PREP: variants seen among roughly 807,000 people sequenced by gnomAD.
PREP encodes the protein prolyl endopeptidase.
PREP carries 29 observed loss-of-function variants against 87.6 expected under a neutral mutation model. That is an observed-to-expected ratio of 0.33 (90% CI 0.25 to 0.45). The LOEUF (loss-of-function observed/expected upper bound fraction) is 0.45, where lower values mean the gene tolerates loss of function less well. PREP is among the 20% of genes least tolerant of loss of function. The pLI is 1.00. For synonymous variants in PREP, 337 were observed against 328.6 expected (o/e 1.03, Z -0.28); for missense variants, 695 against 886.5 (o/e 0.78, Z 2.74).
chr6:105,294,472 A>G (rs1043778234), intron 10 of PREP, among the ~76,000 whole-genome samples: 6 of 152,204 alleles, frequency 3.9e-5, no homozygotes, highest in African/African-American at 1.4e-4. Context: ...TAACAGTGAA[A>G]CCTGTCCAGC....
intron 6 of PREP, among the ~76,000 whole-genome samples, chr6:105,359,030 C>T (rs1213188348): frequency 6.6e-6 from 1 of 152,120 alleles, no homozygotes. Context: ...AACTTCCTGT[C>T]CCCAGCCAAA....
chr6:105,393,584 G>A (rs570093393), intron 2 of PREP, among the ~76,000 whole-genome samples: 9 of 152,046 alleles, frequency 5.9e-5, no homozygotes, highest in African/African-American at 1.9e-4. Context: ...GAGGAGCAGC[G>A]CTGTCCAGTA....
chr6:105,338,632 T>C (rs1365102284), intron 7 of PREP, among the ~76,000 whole-genome samples: 2 of 152,152 alleles, frequency 1.3e-5, no homozygotes, highest in African/African-American at 4.8e-5. Flanking sequence ...TAATTCCCTT[T>C]CCTAGCCAAG....
intron 3 of PREP, among the ~76,000 whole-genome samples, chr6:105,376,588 G>A (rs772041578): frequency 2.6e-5 from 4 of 152,204 alleles, no homozygotes; most frequent in Non-Finnish European, 5.9e-5. Context: ...GAAGAAAGCA[G>A]ACTTTTCTAA....
chr6:105,283,770 A>G (rs1260513654), intron 12 of PREP, among the ~76,000 whole-genome samples: 1 of 152,236 alleles, frequency 6.6e-6, no homozygotes, highest in Non-Finnish European at 1.5e-5. Flanking sequence ...ATCAGTCTAA[A>G]CATAGTCTAC....
At chr6:105,393,533 T>C (rs1171832147) in intron 2 of PREP, among the ~76,000 whole-genome samples, 1 of 152,090 alleles carries the variant, frequency 6.6e-6, no homozygotes, top group Non-Finnish European at 1.5e-5. Flanking sequence ...AATCTAACGC[T>C]GATATGAAAT....
chr6:105,288,083 T>C (rs764429286), intron 11 of PREP, among the ~76,000 whole-genome samples: 1 of 152,136 alleles, frequency 6.6e-6, no homozygotes. Flanking sequence ...AAGAAATCAT[T>C]CCCTCTGAAG....
In PREP at chr6:105,334,738, C is replaced by CAACAACAACAACAACA. The variant is rs752810216; in HGVS notation, c.824-1234_824-1233insTGTTGTTGTTGTTGTT. On this transcript the variant is annotated intron_variant, in intron 7 of 14. Coordinates refer to ENST00000652536, the MANE Select transcript of PREP (RefSeq NM_002726.5). Reference sequence around the variant, plus strand: ...TCAACAACAACAACAACAACAACAACAGAGATGCGGTCTCTCCATGTTGCC... The same window carrying CAACAACAACAACAACA: ...TCAACAACAACAACAACAACAACAACAACAACAACAACAACAAGAGATGCGGTCTCTCCATGTTGCC... Among the ~76,000 whole-genome samples the CAACAACAACAACAACA allele has an allele frequency of 1.1e-3, 170 of 152,072 alleles. 1 individual carries two copies. The highest frequency in any genetic ancestry group is 6.8e-3 in the Middle Eastern group (2 of 294).
intron 12 of PREP, among the ~76,000 whole-genome samples, chr6:105,284,242 T>G (rs190657283): frequency 2.6e-5 from 4 of 152,260 alleles, no homozygotes; most frequent in African/African-American, 9.6e-5. Flanking sequence ...CTGGCAACGA[T>G]GGACCAGATG....
chr6:105,369,052 A>G, intron 5 of PREP, 28 bp from the exon 6 acceptor site: 2 of 1,607,084 alleles, frequency 1.2e-6, no homozygotes, highest in South Asian at 2.2e-5. Flanking sequence ...GTACACTGAA[A>G]TGTACTTGAT....
At chr6:105,375,761 T>C (rs1453811078) in intron 4 of PREP, among the ~76,000 whole-genome samples, 1 of 152,258 alleles carries the variant, frequency 6.6e-6, no homozygotes, top group Admixed American at 6.5e-5. Context: ...GAATAATCTT[T>C]GTACAGCTTA....
intron 10 of PREP, chr6:105,322,214 G>A (rs1287074272): frequency 8.4e-6 from 7 of 828,456 alleles, no homozygotes; most frequent in African/African-American, 1.9e-5. Context: ...TCTCCCTCCA[G>A]GCAATGGCTC....
intron 9 of PREP, among the ~76,000 whole-genome samples, chr6:105,327,836 G>A (rs571822712): frequency 9.8e-5 from 15 of 152,316 alleles, no homozygotes; most frequent in Admixed American, 2.0e-4. Context: ...ACTGCTAACT[G>A]AGCCAGACTC....
intron 2 of PREP, among the ~76,000 whole-genome samples, chr6:105,387,409 A>AG (rs1396280007): frequency 6.6e-6 from 1 of 152,178 alleles, no homozygotes; most frequent in Non-Finnish European, 1.5e-5. Flanking sequence ...AATGTATACA[A>AG]GTACTTGAAA....
intron 2 of PREP, among the ~76,000 whole-genome samples, chr6:105,397,078 G>A (rs544144010): frequency 2.0e-5 from 3 of 151,596 alleles, no homozygotes; most frequent in African/African-American, 4.9e-5. Context: ...CCAGCTACTC[G>A]GGAGGCTGAG....
chr6:105,302,691 A>G, intron 10 of PREP: 1 of 502,900 alleles, frequency 2.0e-6, no homozygotes, highest in Admixed American at 2.3e-5. Context: ...CACGGATCTT[A>G]GAGAGCTTGG....
intron 10 of PREP, 67 bp from the exon 11 acceptor site, chr6:105,288,961 G>A: frequency 6.8e-7 from 1 of 1,469,820 alleles, no homozygotes; most frequent in Non-Finnish European, 9.4e-7. Flanking sequence ...CTTTTAAATG[G>A]GAAAAATAGT....
intron 10 of PREP, among the ~76,000 whole-genome samples, chr6:105,304,053 G>GC (rs991484846): frequency 6.6e-6 from 1 of 152,092 alleles, no homozygotes; most frequent in African/African-American, 2.4e-5. Context: ...TATACAGTTG[G>GC]CTCTCTACAT....
chr6:105,298,271 C>G (rs749454947), intron 10 of PREP: 1 of 152,216 alleles, frequency 6.6e-6, no homozygotes, highest in Non-Finnish European at 1.5e-5. Context: ...TGTCAAGTGA[C>G]CCTGCTACAT....
Sources: gnomAD v4.1 joint callset for allele counts (sites outside exome capture counted in the v4.1 genomes callset) on GRCh38, gnomAD v4.1.1 for gene constraint, MANE v1.5 for transcripts, NCBI Gene and HGNC (gene_info 2026-07-23, HGNC 2026-07-21) for gene names.